The following SPATA13 variants were observed in gnomAD, a reference collection of about 807,000 sequenced individuals.
The protein encoded by SPATA13 is spermatogenesis-associated protein 13.
In SPATA13, 50 loss-of-function variants were observed where a neutral mutation model predicts 104.0. That is an observed-to-expected ratio of 0.48 (90% confidence interval 0.38 to 0.61). The LOEUF is 0.61. Among genes scored for constraint, SPATA13 ranks in the 20% least tolerant of loss-of-function variants. The probability of loss-of-function intolerance (pLI) is 0.00; values close to 1 mark genes in which losing one functional copy is unlikely to be tolerated. For missense variants in SPATA13, 1,524 were observed against 1,690.6 expected, an observed-to-expected ratio of 0.90 and a Z score of 1.73; for synonymous variants, 606 against 667.5, an observed-to-expected ratio of 0.91 and a Z score of 1.42.
At position 24,251,968 on chromosome 13, in the gene SPATA13, A is replaced by AG. The variant is rs574256657; in HGVS notation, c.2164+109dup. On this transcript the variant is annotated intron_variant, in intron 4 of 12. Coordinates refer to ENST00000382108, the MANE Select transcript of SPATA13 (RefSeq NM_001166271.3). Reference sequence around the variant, plus strand: ...TGCACCTTCGCGCCTCCCTTGGGCCAGGGCGCGTTTGTCTGGGAGTGAGGA... The same window carrying AG: ...TGCACCTTCGCGCCTCCCTTGGGCCAGGGGCGCGTTTGTCTGGGAGTGAGGA... 1.4e-4 allele frequency: 199 copies of AG among 1,411,240 alleles called. No homozygotes were observed. In the East Asian group the frequency reaches 4.6e-3, roughly 33 times the overall value. The allele number at this position is 1,411,240 out of a possible 1,614,324, so 87.4% of individuals were successfully genotyped here.
intron 2 of SPATA13, among the ~76,000 whole-genome samples, chr13:24,233,164 A>AT (rs943650994): frequency 2.0e-5 from 3 of 151,920 alleles, no homozygotes; most frequent in Non-Finnish European, 4.4e-5. Flanking sequence ...GTTCTCATTC[A>AT]TTTTTTTTCT....
intron 4 of SPATA13, among the ~76,000 whole-genome samples, chr13:24,262,751 G>T (rs1874118335): frequency 6.6e-6 from 1 of 152,112 alleles, no homozygotes; most frequent in Admixed American, 6.5e-5. Flanking sequence ...ACTATACAGG[G>T]GACAAAGGCA....
intron 2 of SPATA13, among the ~76,000 whole-genome samples, chr13:24,227,557 G>A (rs763002611): frequency 6.6e-6 from 1 of 152,016 alleles, no homozygotes; most frequent in Non-Finnish European, 1.5e-5. Context: ...TTTTTCAGTT[G>A]CAGTCATTTC....
intron 1 of SPATA13, among the ~76,000 whole-genome samples, chr13:24,184,022 A>G (rs1566137608): frequency 6.6e-6 from 1 of 152,144 alleles, no homozygotes; most frequent in Non-Finnish European, 1.5e-5. Context: ...GGCGCGCTCA[A>G]GGTCACCCAG....
intron 1 of SPATA13, among the ~76,000 whole-genome samples, chr13:24,170,933 G>A (rs1019233453): frequency 6.6e-6 from 1 of 152,002 alleles, no homozygotes; most frequent in Non-Finnish European, 1.5e-5. Flanking sequence ...GAACTGGAAT[G>A]TCCAGTGGCC....
chr13:24,240,579 T>G (rs1872784328), intron 2 of SPATA13, among the ~76,000 whole-genome samples: 1 of 152,164 alleles, frequency 6.6e-6, no homozygotes, highest in South Asian at 2.1e-4. Context: ...TTTTTTAAAC[T>G]GAAGAAGAGC....
intron 4 of SPATA13, chr13:24,278,472 CTTA>C (rs1454157467): frequency 4.6e-5 from 20 of 435,392 alleles, no homozygotes; most frequent in Non-Finnish European, 7.5e-5. Context: ...AGAGATGGGT[CTTA>C]TTATGTTGCC....
intron 3 of SPATA13, among the ~76,000 whole-genome samples, chr13:24,129,302 G>C (rs73164084): frequency 0.028 from 4,246 of 152,346 alleles, 94 homozygotes; most frequent in Non-Finnish European, 0.039. Flanking sequence ...GAGGGAAAGG[G>C]AATCCCAGAT....
At chr13:24,061,573 A>T (rs1536204) in intron 3 of SPATA13, among the ~76,000 whole-genome samples, 1 of 152,168 alleles carries the variant, frequency 6.6e-6, no homozygotes, top group African/African-American at 2.4e-5. Flanking sequence ...TTATAGGGAC[A>T]TGGATGGAGC....
chr13:24,050,883 G>A (rs1878315829), intron 3 of SPATA13, among the ~76,000 whole-genome samples: 1 of 152,194 alleles, frequency 6.6e-6, no homozygotes, highest in African/African-American at 2.4e-5. Context: ...CTAAACTGGT[G>A]CAGCTTTACT....
intron 4 of SPATA13, chr13:24,278,960 C>T (rs1240939248): frequency 4.0e-6 from 2 of 503,338 alleles, no homozygotes; most frequent in Non-Finnish European, 6.4e-6. Context: ...CTCCTTCCTT[C>T]CTTCCCTCCT....
chr13:24,242,785 T>G lies in SPATA13; in HGVS notation c.1654-6692T>G, dbSNP rs74625215. On this transcript the variant is annotated intron_variant, in intron 2 of 12. Coordinates refer to ENST00000382108, the MANE Select transcript of SPATA13 (RefSeq NM_001166271.3). ...TCTGCATATGTAAATATTTCCTTGTTCCTGCTTTCAACTCCTCAAAATATG... is the reference window on the plus strand; with the variant it reads ...TCTGCATATGTAAATATTTCCTTGTGCCTGCTTTCAACTCCTCAAAATATG... Among the ~76,000 whole-genome samples the G allele has an allele frequency of 2.4e-3, 360 of 152,348 alleles. 5 individuals are homozygous for G. Among genetic ancestry groups the G allele is most frequent in the African/African-American group, 8.3e-3 (344 of 41,568 alleles).
intron 3 of SPATA13, among the ~76,000 whole-genome samples, chr13:24,056,947 A>C (rs1407757331): frequency 2.4e-4 from 35 of 146,108 alleles, no homozygotes; most frequent in Non-Finnish European, 4.2e-4. Flanking sequence ...TTATTAGGCC[A>C]GCTTTAGGGC....
At chr13:24,208,605 C>G (rs1037040992) in intron 1 of SPATA13, among the ~76,000 whole-genome samples, 4 of 151,766 alleles carry the variant, frequency 2.6e-5, no homozygotes, top group Non-Finnish European at 4.4e-5. Flanking sequence ...TCTTTAGTTG[C>G]AGATAGGTGT....
chr13:24,015,746 C>A (rs888843745), intron 2 of SPATA13, among the ~76,000 whole-genome samples: 4 of 14,534 alleles, frequency 2.8e-4, no homozygotes, highest in Non-Finnish European at 9.3e-4. Flanking sequence ...CAGGCCCCCC[C>A]CCAATTCCTA....
intron 1 of SPATA13, among the ~76,000 whole-genome samples, chr13:24,173,325 T>C (rs1015872878): frequency 2.0e-5 from 3 of 151,780 alleles, no homozygotes; most frequent in Non-Finnish European, 2.9e-5. Flanking sequence ...TTGGCTTGTA[T>C]CCTGCAACCT....
chr13:24,271,001 C>T (rs1258986650), intron 4 of SPATA13: 9 of 881,424 alleles, frequency 1.0e-5, no homozygotes, highest in Non-Finnish European at 1.7e-5. Context: ...CCCTCTCTCT[C>T]TCTCTCTCCA....
chr13:24,082,001 G>T (rs117284695), intron 3 of SPATA13, among the ~76,000 whole-genome samples: 1 of 152,164 alleles, frequency 6.6e-6, no homozygotes, highest in Non-Finnish European at 1.5e-5. Flanking sequence ...GAGTGCTGCT[G>T]TATTGGTCTC....
intron 12 of SPATA13, among the ~76,000 whole-genome samples, chr13:24,301,758 G>A (rs144393306): frequency 1.3e-5 from 2 of 152,298 alleles, no homozygotes; most frequent in African/African-American, 2.4e-5. Context: ...ACACAGTTAC[G>A]TTTTAATCTA....
Sources: allele counts gnomAD v4.1 joint callset (sites outside exome capture counted in the v4.1 genomes callset), GRCh38; gene constraint gnomAD v4.1.1; transcripts MANE v1.5; gene names NCBI Gene and HGNC (gene_info 2026-07-23, HGNC 2026-07-21).